Variants in ADARB2 observed in about 807,000 individuals in gnomAD.
The protein encoded by ADARB2 is adenosine deaminase RNA specific B2 (inactive), also known as inactive double-stranded RNA-specific editase B2.
Under a neutral mutation model 62.2 loss-of-function variants are expected in ADARB2, and 25 were observed. That is an observed-to-expected ratio of 0.40 (90% CI 0.29 to 0.56). The LOEUF is 0.56. Among genes scored for constraint, ADARB2 ranks in the 20% least tolerant of loss-of-function variants. The probability of loss-of-function intolerance (pLI) is 0.43; values close to 1 mark genes in which losing one functional copy is unlikely to be tolerated. For synonymous variants in ADARB2, 572 were observed against 500.8 expected (o/e 1.14, Z -1.90); for missense variants, 1,071 against 1,077.4 (o/e 0.99, Z 0.08).
intron 1 of ADARB2, among the ~76,000 whole-genome samples, chr10:1,665,718 G>A (rs1331360980): frequency 6.6e-6 from 1 of 152,244 alleles, no homozygotes; most frequent in Non-Finnish European, 1.5e-5. Context: ...GATGGCACAG[G>A]CCGGGGTCCG....
At chr10:1,496,156 T>C (rs975413309) in intron 1 of ADARB2, among the ~76,000 whole-genome samples, 2 of 151,254 alleles carry the variant, frequency 1.3e-5, no homozygotes, top group Admixed American at 6.6e-5. Flanking sequence ...CCATCATTAT[T>C]AACATAATCA....
At chr10:1,518,157 C>T (rs1832029569) in intron 1 of ADARB2, among the ~76,000 whole-genome samples, 2 of 152,188 alleles carry the variant, frequency 1.3e-5, no homozygotes. Flanking sequence ...AGCGATGGAT[C>T]CGAAACTCCC....
At chr10:1,619,289 T>TAAAAAAA (rs59098282) in intron 1 of ADARB2, among the ~76,000 whole-genome samples, 37 of 115,628 alleles carry the variant, frequency 3.2e-4, no homozygotes, top group East Asian at 5.4e-4. Context: ...ACATTGAAAG[T>TAAAAAAA]AAAAAAAAAA....
At chr10:1,404,465 G>C (rs1832689609) in intron 1 of ADARB2, among the ~76,000 whole-genome samples, 1 of 152,234 alleles carries the variant, frequency 6.6e-6, no homozygotes, top group African/African-American at 2.4e-5. Context: ...ACGCTGCGTG[G>C]TGATGAGTGC....
At chr10:1,503,893 A>G (rs1831800247) in intron 1 of ADARB2, among the ~76,000 whole-genome samples, 1 of 152,082 alleles carries the variant, frequency 6.6e-6, no homozygotes, top group South Asian at 2.1e-4. Flanking sequence ...CCCAGAAGTC[A>G]AGCAGATGCC....
chr10:1,396,812 C>T lies in ADARB2; in HGVS notation c.101-17652G>A, dbSNP rs367850527. Among the ~76,000 whole-genome samples, 72 of 71,990 alleles carry T rather than the reference C, an allele frequency of 1.0e-3. 5 individuals carry two copies. The highest frequency in any genetic ancestry group is 3.8e-3 in the East Asian group (5 of 1,310). The allele number at this position is 71,990 out of a possible 152,430, so 47.2% of individuals were successfully genotyped here. A position where few individuals can be genotyped will look rare whatever the true frequency, so the allele number is the denominator to read the frequency against. On this transcript the variant is annotated intron_variant, in intron 1 of 9. Transcript: ENST00000381312. Reference sequence around the variant, plus strand: ...CCCGAGTGGAGGCTTCCTGGGTCACCGTCCTCCTCTCCCCTCCCGAGTGGA... The same window carrying T: ...CCCGAGTGGAGGCTTCCTGGGTCACTGTCCTCCTCTCCCCTCCCGAGTGGA...
intron 1 of ADARB2, among the ~76,000 whole-genome samples, chr10:1,506,799 G>A (rs754569039): frequency 6.6e-6 from 1 of 152,268 alleles, no homozygotes; most frequent in Non-Finnish European, 1.5e-5. Context: ...TTAGGAGGTG[G>A]AGTCTTTGGG....
intron 1 of ADARB2, among the ~76,000 whole-genome samples, chr10:1,583,455 G>A (rs1588311758): frequency 6.6e-6 from 1 of 152,192 alleles, no homozygotes; most frequent in African/African-American, 2.4e-5. Flanking sequence ...TAAAGGAGAT[G>A]AATGGCTTAC....
In ADARB2 at chr10:1,737,106, G is replaced by C; in HGVS notation, c.45C>G (p.Ser15Arg). 1.2e-6 allele frequency: 2 copies of C among 1,611,258 alleles called. No homozygotes were observed. Among genetic ancestry groups the C allele is most frequent in the Non-Finnish European group, 1.7e-6 (2 of 1,179,916 alleles). ...LGSGRGSGGL[S>R]SQLKCKSKRR... ...TCTTGGACTTGCATTTGAGTTGACTGCTCAGCCCTCCAGACCCTCTGCCGC... is the reference window on the plus strand; with the variant it reads ...TCTTGGACTTGCATTTGAGTTGACTCCTCAGCCCTCCAGACCCTCTGCCGC... The change falls in exon 1 of 10, where the codon AGC becomes AGG. Residue 15 changes from serine to arginine, a missense_variant. Physicochemically the swap from Ser to Arg is moderately radical, Grantham distance 110. Coordinates refer to ENST00000381312, the MANE Select transcript of ADARB2 (RefSeq NM_018702.4).
chr10:1,359,795 T>C (rs1832234598), intron 3 of ADARB2, among the ~76,000 whole-genome samples: 1 of 152,228 alleles, frequency 6.6e-6, no homozygotes, highest in Middle Eastern at 3.2e-3. Flanking sequence ...CTCAACAGTG[T>C]GGGTCTCTGA....
In ADARB2 at chr10:1,635,282, T is replaced by C. The variant is rs558401855; in HGVS notation, c.100+101769A>G. Among the ~76,000 whole-genome samples, 13 of 152,368 alleles carry C rather than the reference T, an allele frequency of 8.5e-5. No homozygotes were observed. The South Asian group carries it at 2.5e-3, about 29-fold the overall frequency. ...AATGTTCCCATGTTAATTTATTCAATAGAGTTTTTGGAGTCAAGCTCTGTG... is the reference window on the plus strand; with the variant it reads ...AATGTTCCCATGTTAATTTATTCAACAGAGTTTTTGGAGTCAAGCTCTGTG... On this transcript the variant is annotated intron_variant, in intron 1 of 9. Coordinates refer to ENST00000381312, the MANE Select transcript of ADARB2 (RefSeq NM_018702.4).
At chr10:1,524,820 G>A (rs568440421) in intron 1 of ADARB2, among the ~76,000 whole-genome samples, 1 of 152,228 alleles carries the variant, frequency 6.6e-6, no homozygotes, top group South Asian at 2.1e-4. Flanking sequence ...GTGACACAAA[G>A]GCCTGTAATT....
chr10:1,658,184 CTCTA>C (rs1405197911), intron 1 of ADARB2, among the ~76,000 whole-genome samples: 1 of 151,598 alleles, frequency 6.6e-6, no homozygotes, highest in Non-Finnish European at 1.5e-5. Flanking sequence ...GTCTCTCTAT[CTCTA>C]TCTGATTGTC....
intron 4 of ADARB2, among the ~76,000 whole-genome samples, chr10:1,262,113 A>AGG (rs1831144183): frequency 8.4e-6 from 1 of 118,440 alleles, no homozygotes; most frequent in Non-Finnish European, 1.6e-5. Context: ...GGACACAGGA[A>AGG]GGGGAATATC....
intron 1 of ADARB2, among the ~76,000 whole-genome samples, chr10:1,391,180 G>T (rs913540151): frequency 6.6e-6 from 1 of 152,278 alleles, no homozygotes; most frequent in Middle Eastern, 3.4e-3. Flanking sequence ...TGCATTGTGG[G>T]TTGCAATAAA....
intron 1 of ADARB2, among the ~76,000 whole-genome samples, chr10:1,658,323 GTC>G (rs1158389493): frequency 2.7e-5 from 4 of 150,378 alleles, no homozygotes; most frequent in African/African-American, 7.4e-5. Context: ...ATCTGATTCT[GTC>G]TCTCTCTGTC....
intron 3 of ADARB2, among the ~76,000 whole-genome samples, chr10:1,272,625 G>A (rs1412536824): frequency 6.6e-6 from 1 of 152,172 alleles, no homozygotes; most frequent in Non-Finnish European, 1.5e-5. Context: ...CAATATGGAA[G>A]CCCCACATAG....
At position 1,493,506 on chromosome 10, in the gene ADARB2, G is replaced by A. The variant is rs562949416; in HGVS notation, c.101-114346C>T. Among the ~76,000 whole-genome samples, 12 of 152,180 alleles carry A rather than the reference G, an allele frequency of 7.9e-5. No homozygotes were observed. In the East Asian group the frequency reaches 9.7e-4, roughly 12 times the overall value. On this transcript the variant is annotated intron_variant, in intron 1 of 9. Coordinates refer to ENST00000381312, the MANE Select transcript of ADARB2 (RefSeq NM_018702.4). Reference sequence around the variant, plus strand: ...CTGTGTGCTACAAAGAATGAACTAAGGAATCAGAAAGTGCAAGTTCACACT... The same window carrying A: ...CTGTGTGCTACAAAGAATGAACTAAAGAATCAGAAAGTGCAAGTTCACACT...
At chr10:1,217,779 G>A (rs1265123046) in intron 6 of ADARB2, among the ~76,000 whole-genome samples, 1 of 152,140 alleles carries the variant, frequency 6.6e-6, no homozygotes, top group East Asian at 1.9e-4. Context: ...TGGCTCCTGT[G>A]AAGGTGCTGG....
Sources: allele counts gnomAD v4.1 joint callset (sites outside exome capture counted in the v4.1 genomes callset), GRCh38; gene constraint gnomAD v4.1.1; transcripts MANE v1.5; gene names NCBI Gene and HGNC (gene_info 2026-07-23, HGNC 2026-07-21).